Variants in PCDH9 observed in about 807,000 individuals in gnomAD.
The protein encoded by PCDH9 is protocadherin 9.
In PCDH9, 24 loss-of-function variants were observed where a neutral mutation model predicts 70.6. The ratio of observed to expected loss-of-function variants is 0.34; its 90% CI spans 0.25 to 0.48. The LOEUF is 0.48. PCDH9 is among the 20% of genes least tolerant of loss of function. The probability of loss-of-function intolerance (pLI) is 0.99; values close to 1 mark genes in which losing one functional copy is unlikely to be tolerated. For missense variants in PCDH9, 1,281 were observed against 1,503.6 expected, an observed-to-expected ratio of 0.85 and a Z score of 2.45; for synonymous variants, 562 against 558.5, an observed-to-expected ratio of 1.01 and a Z score of -0.09.
intron 2 of PCDH9, among the ~76,000 whole-genome samples, chr13:67,030,490 G>A (rs1287997017): frequency 1.5e-5 from 2 of 132,064 alleles, no homozygotes; most frequent in East Asian, 2.2e-4. Context: ...CCCCACCACC[G>A]ACCCCCACCA....
chr13:66,752,691 G>A (rs1374350351), intron 3 of PCDH9, among the ~76,000 whole-genome samples: 3 of 152,176 alleles, frequency 2.0e-5, no homozygotes, highest in Non-Finnish European at 4.4e-5. Context: ...ACCAGAGAGA[G>A]TGAAAATGGA....
chr13:67,094,900 T>C (rs2086289849), intron 2 of PCDH9, among the ~76,000 whole-genome samples: 3 of 152,216 alleles, frequency 2.0e-5, no homozygotes, highest in African/African-American at 7.2e-5. Flanking sequence ...AGCCCCAGAA[T>C]CTGGCCAAAC....
At chr13:66,522,499 G>A (rs1278753654) in intron 4 of PCDH9, among the ~76,000 whole-genome samples, 1 of 152,060 alleles carries the variant, frequency 6.6e-6, no homozygotes, top group Non-Finnish European at 1.5e-5. Flanking sequence ...TCAGTAGGAG[G>A]TTGAATGATG....
At chr13:67,211,213 G>A (rs981080281) in intron 2 of PCDH9, 6 of 151,766 alleles carry the variant, frequency 4.0e-5, no homozygotes, top group Non-Finnish European at 7.4e-5. Context: ...TGATTCCTGA[G>A]GTCTACATAT....
At chr13:66,774,844 G>A (rs2139282635) in intron 3 of PCDH9, among the ~76,000 whole-genome samples, 1 of 152,238 alleles carries the variant, frequency 6.6e-6, no homozygotes, top group East Asian at 1.9e-4. Context: ...CCTTCAATCA[G>A]ACAGCTTTGT....
chr13:66,963,182 T>C (rs1363123442), intron 2 of PCDH9, among the ~76,000 whole-genome samples: 2 of 152,160 alleles, frequency 1.3e-5, no homozygotes, highest in Non-Finnish European at 2.9e-5. Context: ...TAAGTACAGA[T>C]GAAGTTTTGC....
At chr13:66,966,768 A>T (rs1486902591) in intron 2 of PCDH9, among the ~76,000 whole-genome samples, 1 of 152,070 alleles carries the variant, frequency 6.6e-6, no homozygotes, top group East Asian at 1.9e-4. Context: ...TCATAGTTGC[A>T]GTGGCTCATC....
intron 4 of PCDH9, among the ~76,000 whole-genome samples, chr13:66,470,672 C>T (rs1251451738): frequency 1.3e-5 from 2 of 150,392 alleles, no homozygotes; most frequent in African/African-American, 4.9e-5. Flanking sequence ...AGAGAAAAAG[C>T]CAAGGGGGGA....
At chr13:66,808,438 GATA>G (rs1242001835) in intron 3 of PCDH9, among the ~76,000 whole-genome samples, 12 of 151,906 alleles carry the variant, frequency 7.9e-5, no homozygotes, top group Admixed American at 7.9e-4. Context: ...TTACATTTAC[GATA>G]ATATATTTAA....
intron 3 of PCDH9, among the ~76,000 whole-genome samples, chr13:66,817,006 A>AAAC (rs1247500981): frequency 2.0e-5 from 3 of 151,878 alleles, no homozygotes; most frequent in East Asian, 1.9e-4. Flanking sequence ...ATTTAAAAAA[A>AAAC]AAAACACCAT....
chr13:66,588,396 T>C (rs1309297557), intron 4 of PCDH9, among the ~76,000 whole-genome samples: 1 of 151,996 alleles, frequency 6.6e-6, no homozygotes, highest in African/African-American at 2.4e-5. Context: ...AGCGTTGAGA[T>C]GAATGCCACC....
intron 2 of PCDH9, among the ~76,000 whole-genome samples, chr13:67,155,309 G>T (rs2087782435): frequency 6.6e-6 from 1 of 152,040 alleles, no homozygotes; most frequent in Admixed American, 6.6e-5. Context: ...TTTGAAATTT[G>T]TTATAAGGTT....
chr13:66,597,366 C>T (rs566873601), intron 4 of PCDH9, among the ~76,000 whole-genome samples: 1 of 151,932 alleles, frequency 6.6e-6, no homozygotes, highest in South Asian at 2.1e-4. Context: ...CAGGATGGTA[C>T]TGGCATAAAG....
chr13:67,203,575 A>C (rs944058053), intron 2 of PCDH9: 5 of 152,146 alleles, frequency 3.3e-5, no homozygotes, highest in Admixed American at 2.6e-4. Context: ...CAAATAAGTC[A>C]TTTTAATATT....
intron 4 of PCDH9, among the ~76,000 whole-genome samples, chr13:66,542,748 G>A (rs975222123): frequency 6.9e-6 from 1 of 144,380 alleles, no homozygotes; most frequent in African/African-American, 2.5e-5. Context: ...ATATCTCCGA[G>A]ATATTTATAT....
chr13:67,155,709 C>A (rs1030883483), intron 2 of PCDH9, among the ~76,000 whole-genome samples: 3 of 151,882 alleles, frequency 2.0e-5, no homozygotes, highest in Admixed American at 2.0e-4. Context: ...AAGAATTGTA[C>A]AAAGAGGGGT....
At chr13:67,049,846 T>C (rs2085290189) in intron 2 of PCDH9, among the ~76,000 whole-genome samples, 1 of 152,338 alleles carries the variant, frequency 6.6e-6, no homozygotes, top group East Asian at 1.9e-4. Flanking sequence ...TTTTCTACTA[T>C]GTTCTGCAGA....
intron 4 of PCDH9, among the ~76,000 whole-genome samples, chr13:66,567,926 C>T (rs2076676149): frequency 6.6e-6 from 1 of 152,068 alleles, no homozygotes; most frequent in South Asian, 2.1e-4. Context: ...ATGTTTTTCT[C>T]ATTTATATTC....
intron 3 of PCDH9, among the ~76,000 whole-genome samples, chr13:66,809,626 A>T (rs57325770): frequency 6.6e-6 from 1 of 151,698 alleles, no homozygotes; most frequent in African/African-American, 2.4e-5. Flanking sequence ...GCATGATTAT[A>T]ACAGTTTAGT....
Sources: allele counts gnomAD v4.1 joint callset (sites outside exome capture counted in the v4.1 genomes callset), GRCh38; gene constraint gnomAD v4.1.1; transcripts MANE v1.5; gene names NCBI Gene and HGNC (gene_info 2026-07-23, HGNC 2026-07-21).